NPEPPS: variants seen among roughly 807,000 people sequenced by gnomAD.
NPEPPS encodes the protein puromycin-sensitive aminopeptidase.
NPEPPS carries 14 observed loss-of-function variants against 115.5 expected under a neutral mutation model. The ratio of observed to expected loss-of-function variants is 0.12; its 90% CI spans 0.08 to 0.19. The LOEUF (loss-of-function observed/expected upper bound fraction) is 0.19. NPEPPS is among the 10% of genes least tolerant of loss of function. The probability of loss-of-function intolerance (pLI) is 1.00; values close to 1 mark genes in which losing one functional copy is unlikely to be tolerated. For synonymous variants in NPEPPS, 285 were observed against 390.6 expected, an observed-to-expected ratio of 0.73 and a Z score of 3.19; for missense variants, 523 against 1,110.8, an observed-to-expected ratio of 0.47 and a Z score of 7.52.
intron 19 of NPEPPS, among the ~76,000 whole-genome samples, chr17:47,613,979 ATTTTTT>A (rs113187043): frequency 7.1e-6 from 1 of 141,308 alleles, no homozygotes. Flanking sequence ...TCTTATTATT[ATTTTTT>A]TTTTTTTTGA....
chr17:47,603,986 C>A lies in NPEPPS; in HGVS notation c.1812C>A (p.Gly604=), dbSNP rs1422328676. 3.1e-6 allele frequency: 5 copies of A among 1,613,696 alleles called. No individual in the cohort carries two copies. Among genetic ancestry groups the A allele is most frequent in the Middle Eastern group, 1.6e-4 (1 of 6,062 alleles). The change falls in exon 16 of 23, where the codon GGC becomes GGA. Residue 604 remains glycine, a synonymous_variant. Coordinates refer to ENST00000322157, the MANE Select transcript of NPEPPS (RefSeq NM_006310.4). ...CCATGCTGGAAAGTTTATTACCAGG[C>A]ATTCGTGACCTTTCTCTGCCCCCTG... ...SSAMLESLLP[G]IRDLSLPPVD...
At chr17:47,607,125 G>C (rs917373071) in intron 17 of NPEPPS, among the ~76,000 whole-genome samples, 1 of 152,150 alleles carries the variant, frequency 6.6e-6, no homozygotes, top group African/African-American at 2.4e-5. Context: ...CCAGGGGGCA[G>C]AGGCTGCAGT....
At chr17:47,557,358 G>A (rs1215837487) in intron 2 of NPEPPS, 1 of 152,020 alleles carries the variant, frequency 6.6e-6, no homozygotes, top group Non-Finnish European at 1.5e-5. Flanking sequence ...GATTACAGGT[G>A]TGAGCCACCG....
upstream of NPEPPS, chr17:47,530,949 C>G (rs947651526): frequency 6.6e-6 from 1 of 151,842 alleles, no homozygotes; most frequent in East Asian, 2.0e-4. Flanking sequence ...ACAGGTGCAG[C>G]GCCCGCCTCC....
intron 2 of NPEPPS, among the ~76,000 whole-genome samples, chr17:47,560,733 C>T (rs993223529): frequency 1.3e-5 from 2 of 152,282 alleles, no homozygotes; most frequent in Non-Finnish European, 1.5e-5. Context: ...TGTAGGCCTT[C>T]TTTGAACTGT....
chr17:47,619,882 T>A (rs1914436333), intron 22 of NPEPPS, 98 bp downstream of exon 22: 1 of 991,090 alleles, frequency 1.0e-6, no homozygotes, highest in African/African-American at 1.6e-5. Flanking sequence ...CTGTAGCATC[T>A]CTGTGTTTTT....
chr17:47,620,729 C>T (rs995356996), intron 22 of NPEPPS, among the ~76,000 whole-genome samples: 1 of 152,198 alleles, frequency 6.6e-6, no homozygotes, highest in Non-Finnish European at 1.5e-5. Flanking sequence ...GTCATTCTGT[C>T]TTTCACACCT....
rs1567830452 is a variant in NPEPPS at position 47,531,152 on chromosome 17, C to G, written c.-149C>G. ...TCCTTGCGGGCCCTCCTCCCCTTCC[C>G]TCCCCTCCGCCCCCTTCCCCGTAGG... is the stretch of plus-strand genomic sequence containing the variant. On this transcript the variant is annotated 5_prime_UTR_variant, in exon 1 of 23. Coordinates refer to ENST00000322157, the MANE Select transcript of NPEPPS (RefSeq NM_006310.4). 5.0e-6 allele frequency: 4 copies of G among 803,452 alleles called. No individual in the cohort carries two copies. Among genetic ancestry groups the G allele is most frequent in the East Asian group, 5.7e-5 (1 of 17,592 alleles). The allele number at this position is 803,452 out of a possible 1,614,324, so 49.8% of individuals were successfully genotyped here. A position where few individuals can be genotyped will look rare whatever the true frequency, so the allele number is the denominator to read the frequency against.
At chr17:47,606,954 G>A (rs1913554148) in intron 17 of NPEPPS, among the ~76,000 whole-genome samples, 1 of 152,070 alleles carries the variant, frequency 6.6e-6, no homozygotes, top group African/African-American at 2.4e-5. Context: ...CAGCACTTTG[G>A]GAGGCTGAGG....
At position 47,622,999 on chromosome 17, in the gene NPEPPS, G is replaced by A. The variant is rs1167810901; in HGVS notation, c.*1079G>A. On this transcript the variant is annotated 3_prime_UTR_variant, in exon 23 of 23. Coordinates refer to ENST00000322157, the MANE Select transcript of NPEPPS (RefSeq NM_006310.4). ...AGACTGTAAGCCTGTGTGTGCCACT[G>A]TTTGCTTCAACAGTATATCCTAATA... is the stretch of plus-strand genomic sequence containing the variant. 2 of 431,664 alleles carry A rather than the reference G, an allele frequency of 4.6e-6. No individual in the cohort carries two copies. The highest frequency in any genetic ancestry group is 2.2e-5 in the African/African-American group (1 of 44,590). The allele number at this position is 431,664 out of a possible 1,614,324, so 26.7% of individuals were successfully genotyped here.
chr17:47,613,377 G>A (rs916166367), intron 18 of NPEPPS, among the ~76,000 whole-genome samples: 2 of 144,084 alleles, frequency 1.4e-5, no homozygotes, highest in Non-Finnish European at 1.5e-5. Context: ...GCAGTTCTCC[G>A]TGCCTCAGCC....
chr17:47,619,211 G>A, intron 21 of NPEPPS, 47 bp downstream of exon 21: 1 of 1,523,480 alleles, frequency 6.6e-7, no homozygotes, highest in Non-Finnish European at 9.0e-7. Flanking sequence ...ATATTATTTA[G>A]TGACATCCAT....
chr17:47,531,242 TC>T lies in NPEPPS; in HGVS notation c.-54del. ...GCCCCTAGCGCTCCGGCTGGGTCTC[TC>T]CCCCGCCCCCCAGGCTCCCCCGGTC... is the stretch of plus-strand genomic sequence containing the variant. On this transcript the variant is annotated 5_prime_UTR_variant, in exon 1 of 23. Transcript: ENST00000322157. 1.5e-6 allele frequency: 2 copies of T among 1,341,744 alleles called. No homozygotes were observed. Among genetic ancestry groups the T allele is most frequent in the East Asian group, 3.6e-5 (1 of 28,050 alleles). 83.1% of individuals were successfully genotyped at this position (1,341,744 alleles called of 1,614,324 possible). A position where few individuals can be genotyped will look rare whatever the true frequency, so the allele number is the denominator to read the frequency against.
chr17:47,542,245 T>TA (rs980105978), intron 1 of NPEPPS, among the ~76,000 whole-genome samples: 8 of 151,838 alleles, frequency 5.3e-5, no homozygotes, highest in Admixed American at 2.6e-4. Context: ...GTAGCTTTTT[T>TA]AAAAAAAATT....
At chr17:47,600,732 A>G (rs1037166715) in intron 14 of NPEPPS, among the ~76,000 whole-genome samples, 33 of 152,184 alleles carry the variant, frequency 2.2e-4, no homozygotes, top group African/African-American at 7.7e-4. Flanking sequence ...TCTTAATGCC[A>G]AGTCTGTTTT....
intron 12 of NPEPPS, among the ~76,000 whole-genome samples, chr17:47,593,910 T>G (rs1597871597): frequency 1.3e-5 from 2 of 152,188 alleles, no homozygotes; most frequent in Non-Finnish European, 2.9e-5. Context: ...ATCCCAGCAC[T>G]TTGGGAGGCT....
At chr17:47,569,320 T>A (rs2610361) in intron 2 of NPEPPS, 97 bp from the exon 3 acceptor site, 2 of 697,246 alleles carry the variant, frequency 2.9e-6, no homozygotes, top group Non-Finnish European at 4.9e-6. Flanking sequence ...AAGAATATTT[T>A]GCTTTTGTAG....
chr17:47,622,569 AAAC>A lies in NPEPPS; in HGVS notation c.*652_*654del, dbSNP rs1914648442. 4.0e-6 allele frequency: 1 copy of A among 247,388 alleles called. No individual in the cohort carries two copies. Among genetic ancestry groups the A allele is most frequent in the African/African-American group, 2.4e-5 (1 of 42,084 alleles). 15.3% of individuals were successfully genotyped at this position (247,388 alleles called of 1,614,324 possible). On this transcript the variant is annotated 3_prime_UTR_variant, in exon 23 of 23. Coordinates refer to ENST00000322157, the MANE Select transcript of NPEPPS (RefSeq NM_006310.4). ...TGGCCAAAAAAAAACAAAAAGCAAA[AAAC>A]AAAAACCTACCCTGTTCTGGTTTTT... is the stretch of plus-strand genomic sequence containing the variant.
At chr17:47,612,626 T>C (rs1567871803) in intron 18 of NPEPPS, 24 bp downstream of exon 18, 2 of 1,606,388 alleles carry the variant, frequency 1.2e-6, no homozygotes, top group East Asian at 2.2e-5. Context: ...ATAAATTCCC[T>C]TGACTTATAG....
Sources: gnomAD v4.1 joint callset for allele counts (sites outside exome capture counted in the v4.1 genomes callset) on GRCh38, gnomAD v4.1.1 for gene constraint, MANE v1.5 for transcripts, NCBI Gene and HGNC (gene_info 2026-07-23, HGNC 2026-07-21) for gene names.